The following RBFOX3 variants were observed in gnomAD, a reference collection of about 807,000 sequenced individuals.
RBFOX3 encodes the protein RNA binding protein fox-1 homolog 3.
In RBFOX3, 17 loss-of-function variants were observed where a neutral mutation model predicts 48.7. The ratio of observed to expected loss-of-function variants is 0.35; its 90% confidence interval spans 0.24 to 0.52. The LOEUF (loss-of-function observed/expected upper bound fraction) is 0.52. Ranked by LOEUF, RBFOX3 falls within the 20% of genes least tolerant of loss-of-function variation. RBFOX3 has a pLI of 0.94. For missense variants in RBFOX3, 382 were observed against 497.5 expected (o/e 0.77, Z 2.21); for synonymous variants, 212 against 209.5 (o/e 1.01, Z -0.10).
At chr17:79,104,924 A>ACGGTGACCTGAACCCAGGACCTGC (rs55759994) in intron 6 of RBFOX3, among the ~76,000 whole-genome samples, 1 of 152,010 alleles carries the variant, frequency 6.6e-6, no homozygotes, top group East Asian at 1.9e-4. Context: ...GTGCTGAGCA[A>ACGGTGACCTGAACCCAGGACCTGC]CTGTTCAGGT....
chr17:79,305,917 G>GT (rs1325516744), intron 3 of RBFOX3, among the ~76,000 whole-genome samples: 1 of 152,164 alleles, frequency 6.6e-6, no homozygotes, highest in East Asian at 1.9e-4. Context: ...AGCCTCTAGC[G>GT]TAGAGCCCTG....
At chr17:79,138,245 C>G (rs570209415) in intron 4 of RBFOX3, among the ~76,000 whole-genome samples, 1 of 152,280 alleles carries the variant, frequency 6.6e-6, no homozygotes, top group African/African-American at 2.4e-5. Flanking sequence ...ACACTCAGAC[C>G]GTGCATGCCT....
intron 1 of RBFOX3, among the ~76,000 whole-genome samples, chr17:79,579,872 T>TG (rs1461873793): frequency 1.8e-5 from 1 of 55,062 alleles, no homozygotes; most frequent in Non-Finnish European, 3.1e-5. Flanking sequence ...GGCGCTGTGG[T>TG]GGGGGGTCAC....
chr17:79,589,165 A>G (rs966627418), intron 1 of RBFOX3, among the ~76,000 whole-genome samples: 2 of 152,224 alleles, frequency 1.3e-5, no homozygotes, highest in Admixed American at 6.5e-5. Flanking sequence ...CTACCATAAC[A>G]CAGGACTGCA....
At position 79,308,861 on chromosome 17, in the gene RBFOX3, G is replaced by A. The variant is rs904100959; in HGVS notation, c.-174-1037C>T. Reference sequence around the variant, plus strand: ...GGACCGGGTGTGGTGGCTCATGCCTGTAATCCCAGCACTTTGGGAAGCCGA... The same window carrying A: ...GGACCGGGTGTGGTGGCTCATGCCTATAATCCCAGCACTTTGGGAAGCCGA... On this transcript the variant is annotated intron_variant, in intron 2 of 14. Coordinates refer to ENST00000693108, the MANE Select transcript of RBFOX3 (RefSeq NM_001350451.2). Among the ~76,000 whole-genome samples the A allele has an allele frequency of 3.3e-5, 5 of 152,006 alleles. No homozygotes were observed. In the East Asian group the frequency reaches 9.7e-4, roughly 30 times the overall value.
the RBFOX3 span, among the ~76,000 whole-genome samples, chr17:79,620,023 G>GTGCACACATGCATATGCACACACGCACA: frequency 2.2e-5 from 3 of 139,034 alleles, no homozygotes; most frequent in East Asian, 2.2e-4. Context: ...ACACACACAC[G>GTGCACACATGCATATGCACACACGCACA]TGCACACATG....
upstream of RBFOX3, among the ~76,000 whole-genome samples, chr17:79,614,670 A>C (rs2093987352): frequency 6.6e-6 from 1 of 152,224 alleles, no homozygotes; most frequent in African/African-American, 2.4e-5. Flanking sequence ...CGCATCCATG[A>C]ACCAAGAGCA....
intron 2 of RBFOX3, among the ~76,000 whole-genome samples, chr17:79,417,430 G>A (rs1555719699): frequency 6.6e-6 from 1 of 152,204 alleles, no homozygotes; most frequent in African/African-American, 2.4e-5. Context: ...GCTTGTCCCT[G>A]GATGTTGAAA....
intron 3 of RBFOX3, among the ~76,000 whole-genome samples, chr17:79,278,320 C>T (rs2069410698): frequency 6.6e-6 from 1 of 152,238 alleles, no homozygotes; most frequent in Non-Finnish European, 1.5e-5. Flanking sequence ...CTCAGAATAG[C>T]TGAGGACCCT....
chr17:79,157,792 A>G (rs2046146915), intron 4 of RBFOX3, among the ~76,000 whole-genome samples: 1 of 152,096 alleles, frequency 6.6e-6, no homozygotes, highest in South Asian at 2.1e-4. Flanking sequence ...ATGACCAAGG[A>G]CACCCCACTC....
chr17:79,342,186 G>C (rs141018951), intron 2 of RBFOX3, among the ~76,000 whole-genome samples: 209 of 152,342 alleles, frequency 1.4e-3, no homozygotes, highest in African/African-American at 4.8e-3. Context: ...TTTATTTATG[G>C]GGCCCTTGTT....
At chr17:79,659,354 G>A in the RBFOX3 span, among the ~76,000 whole-genome samples, 1 of 152,204 alleles carries the variant, frequency 6.6e-6, no homozygotes, top group Non-Finnish European at 1.5e-5. Flanking sequence ...CAAGCGGCCT[G>A]TTGTGGATAG....
chr17:79,425,148 G>A (rs1304268660), intron 2 of RBFOX3, among the ~76,000 whole-genome samples: 1 of 152,088 alleles, frequency 6.6e-6, no homozygotes, highest in East Asian at 1.9e-4. Context: ...CAGGAGCATG[G>A]GTTTCTGTCA....
chr17:79,580,937 G>C (rs1184608847), intron 1 of RBFOX3, among the ~76,000 whole-genome samples: 2 of 152,106 alleles, frequency 1.3e-5, no homozygotes, highest in African/African-American at 4.8e-5. Context: ...CACTAACCCA[G>C]GCCAATGCAG....
chr17:79,150,090 T>C (rs750264554), intron 4 of RBFOX3, among the ~76,000 whole-genome samples: 17 of 96,804 alleles, frequency 1.8e-4, no homozygotes, highest in Non-Finnish European at 3.0e-4. Flanking sequence ...TGGATCTAGT[T>C]GGAGGCAGAC....
chr17:79,291,783 G>A (rs1191341568), intron 3 of RBFOX3, among the ~76,000 whole-genome samples: 1 of 152,204 alleles, frequency 6.6e-6, no homozygotes, highest in Non-Finnish European at 1.5e-5. Flanking sequence ...AACTCTTGGA[G>A]CCTTTCTAGA....
chr17:79,299,392 C>T lies in RBFOX3; in HGVS notation c.-74+8332G>A, dbSNP rs542963705. On this transcript the variant is annotated intron_variant, in intron 3 of 14. Transcript: ENST00000693108. This position sits in a 1 kb window ranked among gnomAD's most constrained non-coding sequence, Gnocchi z 4.5. The stretch of plus-strand genomic sequence containing the variant: ...TTCTGCATCCATGGATTAAACCAAC[C>T]ACAGGTCAAAAGTATTAGAAAAATA... Among the ~76,000 whole-genome samples, 15 of 152,182 alleles carry T rather than the reference C, an allele frequency of 9.9e-5. No individual in the cohort carries two copies. The highest frequency in any genetic ancestry group is 8.3e-4 in the South Asian group (4 of 4,808).
chr17:79,602,777 A>G (rs2145387242), intron 1 of RBFOX3, among the ~76,000 whole-genome samples: 1 of 152,286 alleles, frequency 6.6e-6, no homozygotes, highest in African/African-American at 2.4e-5. Flanking sequence ...GGAATCCCTC[A>G]GCCTGCGCGG....
At chr17:79,385,681 C>G (rs1045555412) in intron 2 of RBFOX3, among the ~76,000 whole-genome samples, 4 of 152,226 alleles carry the variant, frequency 2.6e-5, no homozygotes, top group African/African-American at 9.6e-5. Flanking sequence ...GGCTCCAGTA[C>G]CTCCTGTGAC....
Sources: allele counts gnomAD v4.1 joint callset (sites outside exome capture counted in the v4.1 genomes callset), GRCh38; gene constraint gnomAD v4.1.1; non-coding constraint Gnocchi (gnomAD v3.1); transcripts MANE v1.5; gene names NCBI Gene and HGNC (gene_info 2026-07-23, HGNC 2026-07-21).